Variants in TMEM14A observed in about 807,000 individuals in gnomAD.
The protein encoded by TMEM14A is transmembrane protein 14A.
TMEM14A carries 8 observed loss-of-function variants against 11.6 expected under a neutral mutation model. The ratio of observed to expected loss-of-function variants is 0.69; its 90% confidence interval spans 0.40 to 1.24. TMEM14A has a LOEUF of 1.24. TMEM14A is among the 50% of genes most tolerant of loss of function. The pLI is 0.01. For missense variants in TMEM14A, 108 were observed against 121.9 expected, an observed-to-expected ratio of 0.89 and a Z score of 0.54; for synonymous variants, 34 against 45.5, an observed-to-expected ratio of 0.75 and a Z score of 1.02.
chr6:52,680,346 A>T (rs1341802725), intron 2 of TMEM14A, among the ~76,000 whole-genome samples: 1 of 151,742 alleles, frequency 6.6e-6, no homozygotes, highest in African/African-American at 2.4e-5. Flanking sequence ...GAAAGCCATG[A>T]CGAATAGAGT....
chr6:52,676,142 TG>T (rs1472224007), intron 1 of TMEM14A, among the ~76,000 whole-genome samples: 1 of 152,200 alleles, frequency 6.6e-6, no homozygotes, highest in African/African-American at 2.4e-5. Flanking sequence ...GCTGAGAGTA[TG>T]GCAGATCTTG....
intron 2 of TMEM14A, among the ~76,000 whole-genome samples, chr6:52,680,653 G>GTATATATATATATACATA (rs1769356255): frequency 3.7e-5 from 1 of 26,990 alleles, no homozygotes; most frequent in African/African-American, 1.1e-4. Context: ...ATATATATGT[G>GTATATATATATATACATA]TGTGTATATA....
chr6:52,672,476 T>C (rs929229911), intron 1 of TMEM14A, among the ~76,000 whole-genome samples: 13 of 152,130 alleles, frequency 8.5e-5, no homozygotes, highest in South Asian at 2.1e-4. Context: ...TTTTCCGGAC[T>C]GTGTGTTGGG....
chr6:52,674,413 A>G (rs1466010020), intron 1 of TMEM14A, among the ~76,000 whole-genome samples: 3 of 152,120 alleles, frequency 2.0e-5, no homozygotes, highest in Non-Finnish European at 2.9e-5. Flanking sequence ...AGACTTCCCT[A>G]AGTCAGAGAT....
At chr6:52,680,691 G>GTGTATGTATATATATATATATATA (rs758417981) in intron 2 of TMEM14A, among the ~76,000 whole-genome samples, 2 of 35,318 alleles carry the variant, frequency 5.7e-5, no homozygotes, top group Non-Finnish European at 1.4e-4. Context: ...ATACATATAT[G>GTGTATGTATATATATATATATATA]TATATATATA....
At chr6:52,674,606 A>G (rs765264488) in intron 1 of TMEM14A, among the ~76,000 whole-genome samples, 3 of 152,150 alleles carry the variant, frequency 2.0e-5, no homozygotes, top group Non-Finnish European at 4.4e-5. Context: ...TAATTGCTCA[A>G]AAACATTATA....
rs542070815 is a variant in TMEM14A, at chr6:52,686,381, A to G, written c.*332A>G. 4 of 385,952 alleles carry G rather than the reference A, an allele frequency of 1.0e-5. No individual in the cohort carries two copies. The highest frequency in any genetic ancestry group is 1.8e-5 in the Non-Finnish European group (4 of 217,218). 23.9% of individuals were successfully genotyped at this position (385,952 alleles called of 1,614,324 possible). ...AAGCTTAAACTACAACTTGTCACAT[A>G]AAGGAAGTCTTAAGTGGAGTTCACA... On this transcript the variant is annotated 3_prime_UTR_variant, in exon 5 of 5. Transcript: ENST00000211314.
intron 3 of TMEM14A, among the ~76,000 whole-genome samples, chr6:52,683,179 G>A (rs1035497283): frequency 1.3e-5 from 2 of 152,144 alleles, no homozygotes; most frequent in Admixed American, 6.5e-5. Flanking sequence ...GACTTTCTTA[G>A]CTAGGCATGG....
chr6:52,679,493 T>C (rs73433349), intron 2 of TMEM14A, among the ~76,000 whole-genome samples: 1,970 of 152,212 alleles, frequency 0.013, 34 homozygotes, highest in African/African-American at 0.045. Flanking sequence ...TGGACGACCA[T>C]AAGAGCACCT....
chr6:52,680,593 T>TATATATATATATATATATATATATATA (rs1561874928), intron 2 of TMEM14A, among the ~76,000 whole-genome samples: 5 of 96,518 alleles, frequency 5.2e-5, no homozygotes, highest in East Asian at 3.5e-4. Flanking sequence ...ATTTATATAT[T>TATATATATATATATATATATATATATA]TATATATATA....
rs905800865 is a variant in TMEM14A, at chr6:52,677,033, C to G, written c.-16-54C>G. On this transcript the variant is annotated intron_variant, in intron 1 of 4. Transcript: ENST00000211314. ...TAAGCGTATCATTTTTAGATACATT[C>G]CCTCCCCAAAACTTTTTTATTTTGT... is the stretch of plus-strand genomic sequence containing the variant. 1.5e-5 allele frequency: 23 copies of G among 1,514,532 alleles called. No homozygotes were observed. In the Admixed American group the frequency reaches 3.5e-4, roughly 23 times the overall value. 93.8% of individuals were successfully genotyped at this position (1,514,532 alleles called of 1,614,324 possible). A position where few individuals can be genotyped will look rare whatever the true frequency, so the allele number is the denominator to read the frequency against.
intron 1 of TMEM14A, among the ~76,000 whole-genome samples, chr6:52,672,606 C>A (rs1769182346): frequency 6.6e-6 from 1 of 152,082 alleles, no homozygotes; most frequent in African/African-American, 2.4e-5. Flanking sequence ...CATGAGGCTC[C>A]CCGACTCCCT....
At position 52,677,160 on chromosome 6, in the gene TMEM14A, T is replaced by C; in HGVS notation, c.58T>C (p.Tyr20His). The change falls in exon 2 of 5, where the codon TAT becomes CAT. Residue 20 changes from tyrosine to histidine, a missense_variant. By Grantham distance (83) the Tyr-to-His change is moderately conservative. Transcript: ENST00000211314. Reference sequence around the variant, plus strand: ...CGTGACATTTGGAAGCATTTTTGGATATAAGCGGAGAGGTAAGCCTAACCC... The same window carrying C: ...CGTGACATTTGGAAGCATTTTTGGACATAAGCGGAGAGGTAAGCCTAACCC... The part of the protein sequence containing the change: ...ALVTFGSIFG[Y>H]KRRGGVPSLI... 1 of 1,614,172 alleles carries C rather than the reference T, an allele frequency of 6.2e-7. No homozygotes were observed. Among genetic ancestry groups the C allele is most frequent in the Non-Finnish European group, 8.5e-7 (1 of 1,180,030 alleles).
At chr6:52,678,899 T>A (rs562678995) in intron 2 of TMEM14A, among the ~76,000 whole-genome samples, 1 of 152,324 alleles carries the variant, frequency 6.6e-6, no homozygotes, top group South Asian at 2.1e-4. Context: ...TGTTCTAAGC[T>A]GCCAGTGGCT....
chr6:52,686,390 C>T lies in TMEM14A; in HGVS notation c.*341C>T. ...CTACAACTTGTCACATAAAGGAAGT[C>T]TTAAGTGGAGTTCACAGAATGATAA... On this transcript the variant is annotated 3_prime_UTR_variant, in exon 5 of 5. Coordinates refer to ENST00000211314, the MANE Select transcript of TMEM14A (RefSeq NM_014051.4). 1 of 385,328 alleles carries T rather than the reference C, an allele frequency of 2.6e-6. No individual in the cohort carries two copies. The highest frequency in any genetic ancestry group is 4.6e-6 in the Non-Finnish European group (1 of 216,788). 23.9% of individuals were successfully genotyped at this position (385,328 alleles called of 1,614,324 possible).
At position 52,686,265 on chromosome 6, in the gene TMEM14A, C is replaced by T. The variant is rs1769492110; in HGVS notation, c.*216C>T. ...CAAGCACTATTTTCATTAAAAGTGT[C>T]TAATGAATCATGATATACTCTTCCA... On this transcript the variant is annotated 3_prime_UTR_variant, in exon 5 of 5. Coordinates refer to ENST00000211314, the MANE Select transcript of TMEM14A (RefSeq NM_014051.4). The T allele has an allele frequency of 2.2e-6, 1 of 450,906 alleles. No individual in the cohort carries two copies. The highest frequency in any genetic ancestry group is 3.9e-6 in the Non-Finnish European group (1 of 255,978). 27.9% of individuals were successfully genotyped at this position (450,906 alleles called of 1,614,324 possible).
intron 1 of TMEM14A, among the ~76,000 whole-genome samples, chr6:52,671,830 T>C (rs72936886): frequency 0.054 from 8,267 of 152,288 alleles, 326 homozygotes; most frequent in South Asian, 0.17. Context: ...GCATCACATT[T>C]GTGATGAGAG....
chr6:52,678,037 G>T (rs140546637), intron 2 of TMEM14A, among the ~76,000 whole-genome samples: 11 of 152,084 alleles, frequency 7.2e-5, no homozygotes, highest in African/African-American at 2.7e-4. Context: ...CGTTGTTTCT[G>T]TCTTAATGTA....
intron 2 of TMEM14A, among the ~76,000 whole-genome samples, chr6:52,678,446 C>T (rs1160328655): frequency 6.6e-6 from 1 of 151,840 alleles, no homozygotes; most frequent in Non-Finnish European, 1.5e-5. Context: ...ATTACATTAG[C>T]TGTGAGGTCT....
Sources: gnomAD v4.1 joint callset for allele counts (sites outside exome capture counted in the v4.1 genomes callset) on GRCh38, gnomAD v4.1.1 for gene constraint, MANE v1.5 for transcripts, NCBI Gene and HGNC (gene_info 2026-07-23, HGNC 2026-07-21) for gene names.